The following DCC variants were observed in gnomAD, a reference collection of about 807,000 sequenced individuals.
DCC encodes the protein netrin receptor DCC.
Under a neutral mutation model 172.5 loss-of-function variants are expected in DCC, and 58 were observed. The ratio of observed to expected loss-of-function variants is 0.34; its 90% CI spans 0.27 to 0.42. The LOEUF (loss-of-function observed/expected upper bound fraction) is 0.42, where lower values mean the gene tolerates loss of function less well. Ranked by LOEUF, DCC falls within the 10% of genes least tolerant of loss-of-function variation. The pLI is 1.00. For missense variants in DCC, 1,740 were observed against 1,791.0 expected (o/e 0.97, Z 0.51); for synonymous variants, 709 against 644.5 (o/e 1.10, Z -1.52).
rs753205462 is a variant in DCC, at chr18:53,467,998, T to C, written c.3724T>C (p.Ser1242Pro). Residue 1242 changes from serine (S) to proline (P), a missense_variant, in exon 25 of 29, where the codon TCC (serine) becomes CCC (proline). By Grantham distance (74) the Ser-to-Pro change is moderately conservative. Coordinates refer to ENST00000442544, the MANE Select transcript of DCC (RefSeq NM_005215.4). ...GCTCATGATTCCCATGGATGCCCAG[T>C]CCAACAATCCTGGTGAGTCAATATT... ...AKLMIPMDAQ[S>P]NNPAVVSAIP... 11 of 1,565,684 alleles carry C rather than the reference T, an allele frequency of 7.0e-6. No individual in the cohort carries two copies. In the Admixed American group the frequency reaches 1.5e-4, roughly 21 times the overall value.
chr18:53,155,285 C>T (rs772496555), intron 7 of DCC, among the ~76,000 whole-genome samples: 1 of 151,974 alleles, frequency 6.6e-6, no homozygotes, highest in Non-Finnish European at 1.5e-5. Context: ...AAAGTGAATG[C>T]AAGAATGAAG....
chr18:52,993,794 A>G (rs993178799), intron 5 of DCC, among the ~76,000 whole-genome samples: 1 of 150,722 alleles, frequency 6.6e-6, no homozygotes, highest in Non-Finnish European at 1.5e-5. Context: ...TCTCATTTTT[A>G]TAAGTTCTGA....
intron 1 of DCC, among the ~76,000 whole-genome samples, chr18:52,730,105 A>T (rs6508150): frequency 0.55 from 83,966 of 151,762 alleles, 23,862 homozygotes; most frequent in African/African-American, 0.68. Context: ...TGATTTTTTT[A>T]AAAAAATGAA....
chr18:53,090,732 A>AAAAAAAAT (rs1568298492), intron 7 of DCC, among the ~76,000 whole-genome samples: 5 of 129,078 alleles, frequency 3.9e-5, no homozygotes, highest in Non-Finnish European at 6.7e-5. Context: ...AAAAAAAAAA[A>AAAAAAAAT]AAGAATGTAT....
chr18:53,354,032 G>A (rs572295073), intron 15 of DCC, among the ~76,000 whole-genome samples: 5 of 152,234 alleles, frequency 3.3e-5, no homozygotes, highest in South Asian at 2.1e-4. Flanking sequence ...CTGTCCTTGC[G>A]ATAGTTTGCT....
At chr18:52,436,588 T>G (rs1598817086) in intron 1 of DCC, among the ~76,000 whole-genome samples, 2 of 152,186 alleles carry the variant, frequency 1.3e-5, no homozygotes, top group Admixed American at 1.3e-4. Context: ...ATATGGAATA[T>G]TCTGCTCTTT....
At chr18:53,359,716 GC>G (rs1278391277) in intron 15 of DCC, among the ~76,000 whole-genome samples, 2 of 152,100 alleles carry the variant, frequency 1.3e-5, no homozygotes, top group African/African-American at 4.8e-5. Context: ...ATCCTAGTTA[GC>G]CCTAGGAAGT....
chr18:53,174,056 G>T lies in DCC; in HGVS notation c.1419-4906G>T, dbSNP rs1381637252. Among the ~76,000 whole-genome samples, 86 of 109,110 alleles carry T rather than the reference G, an allele frequency of 7.9e-4. 1 individual carries two copies. Among genetic ancestry groups the T allele is most frequent in the African/African-American group, 3.2e-3 (84 of 26,590 alleles). 71.6% of individuals were successfully genotyped at this position (109,110 alleles called of 152,430 possible). ...AAAACCGCTCAACTACATGGAAACT[G>T]AACAACCTGCTCCTGAATGACTACT... On this transcript the variant is annotated intron_variant, in intron 8 of 28. Transcript: ENST00000442544.
At chr18:53,090,693 C>T (rs1162037946) in intron 7 of DCC, among the ~76,000 whole-genome samples, 1 of 24,190 alleles carries the variant, frequency 4.1e-5, no homozygotes, top group Non-Finnish European at 1.2e-4. Flanking sequence ...AACTCCGTCC[C>T]CCAACAAAAA....
chr18:52,902,236 G>T (rs946609681), intron 2 of DCC, among the ~76,000 whole-genome samples: 2 of 152,202 alleles, frequency 1.3e-5, no homozygotes, highest in African/African-American at 4.8e-5. Flanking sequence ...CTCTTTGCCT[G>T]GTTTTGGGGC....
chr18:53,242,001 C>T (rs1383135669), intron 12 of DCC, among the ~76,000 whole-genome samples: 3 of 152,166 alleles, frequency 2.0e-5, no homozygotes, highest in African/African-American at 7.2e-5. Context: ...CCCATAGTCT[C>T]AGCTCAAAAT....
intron 1 of DCC, among the ~76,000 whole-genome samples, chr18:52,638,792 G>T (rs1183889193): frequency 2.0e-5 from 3 of 152,060 alleles, no homozygotes; most frequent in Non-Finnish European, 4.4e-5. Context: ...GCACTAGACA[G>T]GTCATCAAGA....
chr18:52,461,380 T>C (rs79852425), intron 1 of DCC, among the ~76,000 whole-genome samples: 2,300 of 152,284 alleles, frequency 0.015, 47 homozygotes, highest in East Asian at 0.04. Flanking sequence ...AGTTAACTTT[T>C]CTTTTTTTAA....
At chr18:53,062,617 T>A (rs2042511817) in intron 5 of DCC, among the ~76,000 whole-genome samples, 1 of 152,186 alleles carries the variant, frequency 6.6e-6, no homozygotes, top group Non-Finnish European at 1.5e-5. Context: ...ATGTGTTATA[T>A]TTATAATTTT....
chr18:53,074,831 G>A (rs111357186), intron 7 of DCC, among the ~76,000 whole-genome samples: 6 of 152,006 alleles, frequency 3.9e-5, no homozygotes, highest in African/African-American at 1.4e-4. Context: ...AAATGTATTG[G>A]AATATAGTGT....
chr18:53,232,798 C>G (rs1363252557), intron 12 of DCC, among the ~76,000 whole-genome samples: 1 of 152,116 alleles, frequency 6.6e-6, no homozygotes, highest in African/African-American at 2.4e-5. Context: ...CTCCTCGAAG[C>G]GACTTTCACT....
At chr18:52,884,029 C>A (rs1355377652) in intron 2 of DCC, among the ~76,000 whole-genome samples, 1 of 151,398 alleles carries the variant, frequency 6.6e-6, no homozygotes, top group Non-Finnish European at 1.5e-5. Flanking sequence ...TCATGCCACT[C>A]TCTCCTGGCC....
At chr18:53,465,703 C>G (rs1400054551) in intron 24 of DCC, among the ~76,000 whole-genome samples, 1 of 151,980 alleles carries the variant, frequency 6.6e-6, no homozygotes, top group Non-Finnish European at 1.5e-5. Context: ...TCTTTATTGA[C>G]TCTTTGGACA....
intron 1 of DCC, among the ~76,000 whole-genome samples, chr18:52,685,438 A>G (rs891983579): frequency 6.6e-6 from 1 of 152,012 alleles, no homozygotes; most frequent in Non-Finnish European, 1.5e-5. Context: ...CCCCATCAAA[A>G]CTCATGTTGA....
Sources: gnomAD v4.1 joint callset for allele counts (sites outside exome capture counted in the v4.1 genomes callset) on GRCh38, gnomAD v4.1.1 for gene constraint, MANE v1.5 for transcripts, NCBI Gene and HGNC (gene_info 2026-07-23, HGNC 2026-07-21) for gene names.